Variants in RALGPS1 observed in about 807,000 individuals in gnomAD.
The protein encoded by RALGPS1 is Ral GEF with PH domain and SH3 binding motif 1, also known as ras-specific guanine nucleotide-releasing factor RalGPS1.
In RALGPS1, 19 loss-of-function variants were observed where a neutral mutation model predicts 78.8. The observed-to-expected ratio is 0.24, with a 90% confidence interval of 0.17 to 0.35. The LOEUF is 0.35. Among genes scored for constraint, RALGPS1 ranks in the 10% least tolerant of loss-of-function variants. RALGPS1 has a pLI of 1.00. For missense variants in RALGPS1, 454 were observed against 688.3 expected (o/e 0.66, Z 3.81); for synonymous variants, 228 against 256.3 (o/e 0.89, Z 1.06).
intron 8 of RALGPS1, among the ~76,000 whole-genome samples, chr9:127,094,153 C>T (rs541952019): frequency 6.6e-6 from 1 of 152,292 alleles, no homozygotes; most frequent in South Asian, 2.1e-4. Flanking sequence ...TTTCTCCTCT[C>T]ACCCGCCTCA....
At chr9:127,127,868 A>AT (rs397754754) in intron 8 of RALGPS1, among the ~76,000 whole-genome samples, 22 of 151,196 alleles carry the variant, frequency 1.5e-4, no homozygotes, top group South Asian at 4.2e-4. Context: ...AAAAAAAAAA[A>AT]TTTTGCTTGT....
intron 8 of RALGPS1, among the ~76,000 whole-genome samples, chr9:127,078,819 T>G (rs1426671141): frequency 6.6e-6 from 1 of 152,250 alleles, no homozygotes; most frequent in African/African-American, 2.4e-5. Context: ...TGACTTCCTT[T>G]AGTTTTTTGG....
chr9:127,124,478 C>T lies in RALGPS1; in HGVS notation c.611-41591C>T, dbSNP rs78889029. ...CTGTAGAGTCTTCCTGTTGAGGCCC[C>T]ACACACTGGGGAGCAGAGAGAGCCA... On this transcript the variant is annotated intron_variant, in intron 8 of 18. Transcript: ENST00000259351. Among the ~76,000 whole-genome samples, 831 of 152,310 alleles carry T rather than the reference C, an allele frequency of 5.5e-3. 25 individuals carry two copies. In the East Asian group the frequency reaches 0.086, roughly 16 times the overall value.
At chr9:126,980,890 T>C (rs1312202508) in intron 4 of RALGPS1, among the ~76,000 whole-genome samples, 2 of 152,160 alleles carry the variant, frequency 1.3e-5, no homozygotes, top group Non-Finnish European at 2.9e-5. Context: ...CAGGCTTCCA[T>C]TGTGTAAGCA....
chr9:126,932,085 A>AG (rs2035845664), intron 1 of RALGPS1, among the ~76,000 whole-genome samples: 1 of 152,120 alleles, frequency 6.6e-6, no homozygotes, highest in African/African-American at 2.4e-5. Context: ...TGGAAACCAT[A>AG]GCATATTTGA....
intron 4 of RALGPS1, among the ~76,000 whole-genome samples, chr9:127,021,497 CAA>C (rs397690141): frequency 1.4e-4 from 16 of 113,520 alleles, no homozygotes; most frequent in Non-Finnish European, 1.6e-4. Context: ...GACTCTGTCT[CAA>C]AAAAAAAAAA....
intron 11 of RALGPS1, among the ~76,000 whole-genome samples, chr9:127,182,761 C>T (rs1026781867): frequency 2.6e-5 from 4 of 152,198 alleles, no homozygotes; most frequent in African/African-American, 9.6e-5. Context: ...TATCCAGCCT[C>T]AGGTATCCCT....
At position 127,196,514 on chromosome 9, in the gene RALGPS1, A is replaced by G; in HGVS notation, c.1078A>G (p.Thr360Ala). Reference sequence around the variant, plus strand: ...GAGTGTAGTTGAGAGTAAAAGTGCGACATTCCCATCGGAGAAAGCAAGGCA... The same window carrying G: ...GAGTGTAGTTGAGAGTAAAAGTGCGGCATTCCCATCGGAGAAAGCAAGGCA... ...QLSVVESKSA[T>A]FPSEKARHLL... The change falls in exon 13 of 19, where the codon ACA becomes GCA. Residue 360 changes from threonine to alanine, a missense_variant. Thr to Ala is a moderately conservative substitution (Grantham distance 58). Transcript: ENST00000259351. 1.9e-6 allele frequency: 3 copies of G among 1,614,116 alleles called. No homozygotes were observed. The highest frequency in any genetic ancestry group is 2.5e-6 in the Non-Finnish European group (3 of 1,179,976).
chr9:127,053,081 G>A (rs1423748866), intron 7 of RALGPS1, 142 bp downstream of exon 7: 3 of 641,856 alleles, frequency 4.7e-6, no homozygotes, highest in Admixed American at 5.3e-5. Context: ...AGTTCTGTAG[G>A]CATCCTCACT....
At chr9:127,083,810 C>G (rs2051409312) in intron 8 of RALGPS1, among the ~76,000 whole-genome samples, 1 of 152,218 alleles carries the variant, frequency 6.6e-6, no homozygotes, top group Non-Finnish European at 1.5e-5. Flanking sequence ...AACACTTCCT[C>G]ATTCCAGACA....
intron 8 of RALGPS1, among the ~76,000 whole-genome samples, chr9:127,157,895 C>T (rs1333170637): frequency 6.6e-6 from 1 of 152,046 alleles, no homozygotes; most frequent in Non-Finnish European, 1.5e-5. Context: ...TGATTTGTTC[C>T]TATTTAATAG....
At chr9:127,103,493 T>C (rs1416997319) in intron 8 of RALGPS1, among the ~76,000 whole-genome samples, 1 of 152,208 alleles carries the variant, frequency 6.6e-6, no homozygotes, top group Non-Finnish European at 1.5e-5. Context: ...TAGCTATACA[T>C]TGAAATGCTG....
At chr9:126,980,382 G>C in intron 4 of RALGPS1, among the ~76,000 whole-genome samples, 1 of 152,214 alleles carries the variant, frequency 6.6e-6, no homozygotes, top group East Asian at 1.9e-4. Context: ...AACCCTGGCT[G>C]TGTATCAGCA....
chr9:126,946,593 G>A (rs565067550), intron 1 of RALGPS1, among the ~76,000 whole-genome samples: 9 of 152,006 alleles, frequency 5.9e-5, no homozygotes, highest in African/African-American at 2.2e-4. Context: ...AAGGAAATGG[G>A]GGGTTGAGTT....
chr9:127,172,224 C>T (rs988811281), intron 10 of RALGPS1, among the ~76,000 whole-genome samples: 1 of 152,252 alleles, frequency 6.6e-6, no homozygotes, highest in Non-Finnish European at 1.5e-5. Context: ...TAGACCCGGC[C>T]TTGCTGGCTG....
At chr9:126,924,462 G>A (rs1278530873) in intron 1 of RALGPS1, among the ~76,000 whole-genome samples, 1 of 152,186 alleles carries the variant, frequency 6.6e-6, no homozygotes, top group Admixed American at 6.5e-5. Flanking sequence ...AGTACTTGTT[G>A]AACAGAGAAG....
At chr9:126,917,392 G>C (rs1006303822) in intron 1 of RALGPS1, among the ~76,000 whole-genome samples, 3 of 152,210 alleles carry the variant, frequency 2.0e-5, no homozygotes, top group Non-Finnish European at 4.4e-5. Flanking sequence ...TCAGGGTGGA[G>C]AGAAATACTT....
chr9:126,931,342 A>G (rs1363817346), intron 1 of RALGPS1, among the ~76,000 whole-genome samples: 1 of 152,222 alleles, frequency 6.6e-6, no homozygotes, highest in African/African-American at 2.4e-5. Context: ...CAACATTATT[A>G]GTAATTGCCA....
At chr9:126,975,174 A>C (rs750209564) in intron 3 of RALGPS1, among the ~76,000 whole-genome samples, 2 of 152,206 alleles carry the variant, frequency 1.3e-5, no homozygotes, top group Non-Finnish European at 2.9e-5. Flanking sequence ...ATAGAAATAG[A>C]GATTCTTCTG....
Sources: gnomAD v4.1 joint callset for allele counts (sites outside exome capture counted in the v4.1 genomes callset) on GRCh38, gnomAD v4.1.1 for gene constraint, MANE v1.5 for transcripts, NCBI Gene and HGNC (gene_info 2026-07-23, HGNC 2026-07-21) for gene names.